Variants in MCCC1 observed in about 807,000 individuals in gnomAD.
The protein encoded by MCCC1 is methylcrotonoyl-CoA carboxylase subunit alpha, mitochondrial.
Under a neutral mutation model 83.8 loss-of-function variants are expected in MCCC1, and 64 were observed. That is an observed-to-expected ratio of 0.76 (90% CI 0.62 to 0.94). MCCC1 has a LOEUF of 0.94. MCCC1 is among the 40% of genes least tolerant of loss of function. The pLI is 0.00. For missense variants in MCCC1, 807 were observed against 904.7 expected (o/e 0.89, Z 1.39); for synonymous variants, 322 against 315.4 (o/e 1.02, Z -0.22).
chr3:183,064,542 C>T lies in MCCC1; in HGVS notation c.761+6457G>A, dbSNP rs963788644. The stretch of plus-strand genomic sequence containing the variant: ...ACCCCGCGCGCCTGCTCATGGCACG[C>T]CACCAGCACGGGCCAGGCGCACAAG... On this transcript the variant is annotated intron_variant, in intron 7 of 18. Transcript: ENST00000265594. The surrounding 1 kb of genome is among the most constrained non-coding windows in gnomAD (Gnocchi z 4.5). Among the ~76,000 whole-genome samples the T allele has an allele frequency of 8.5e-5, 13 of 152,164 alleles. No individual in the cohort carries two copies. Among genetic ancestry groups the T allele is most frequent in the African/African-American group, 3.1e-4 (13 of 41,438 alleles).
chr3:183,031,878 A>C (rs1560213174), intron 14 of MCCC1, among the ~76,000 whole-genome samples: 1 of 150,042 alleles, frequency 6.7e-6, no homozygotes, highest in Non-Finnish European at 1.5e-5. Context: ...TATGTCACCT[A>C]GGCTGATCTC....
intron 4 of MCCC1, among the ~76,000 whole-genome samples, chr3:183,082,553 T>A (rs950160699): frequency 1.3e-5 from 2 of 152,200 alleles, no homozygotes; most frequent in Non-Finnish European, 2.9e-5. Flanking sequence ...GCTTTATGCT[T>A]CCTTACAGTT....
At chr3:183,037,510 T>C in intron 12 of MCCC1, 76 bp from the exon 13 acceptor site, 8 of 1,210,362 alleles carry the variant, frequency 6.6e-6, no homozygotes, top group Non-Finnish European at 8.5e-6. Context: ...GCTCTTTTTA[T>C]CTAAGTATTT....
intron 3 of MCCC1, 43 bp downstream of exon 3, chr3:183,092,366 A>G: frequency 6.2e-7 from 1 of 1,613,480 alleles, no homozygotes; most frequent in Non-Finnish European, 8.5e-7. Flanking sequence ...TGACACAGTA[A>G]ACGAATAAAC....
intron 7 of MCCC1, among the ~76,000 whole-genome samples, chr3:183,066,641 T>C (rs1454948845): frequency 2.0e-5 from 3 of 152,204 alleles, no homozygotes; most frequent in Non-Finnish European, 4.4e-5. Context: ...TAATAGGTGT[T>C]CTTGAATGCA....
chr3:183,108,595 A>G (rs935866054), intron 1 of MCCC1, among the ~76,000 whole-genome samples: 1 of 152,246 alleles, frequency 6.6e-6, no homozygotes, highest in Non-Finnish European at 1.5e-5. Context: ...AGAAACAGAC[A>G]TGACTTTAAC....
chr3:183,076,109 C>G (rs2108534890), intron 4 of MCCC1, among the ~76,000 whole-genome samples: 1 of 152,284 alleles, frequency 6.6e-6, no homozygotes, highest in Admixed American at 6.5e-5. Context: ...TTTAGTAAAT[C>G]TATACAATTG....
intron 13 of MCCC1, among the ~76,000 whole-genome samples, chr3:183,036,172 A>G (rs1444828944): frequency 6.6e-6 from 1 of 152,122 alleles, no homozygotes; most frequent in East Asian, 1.9e-4. Flanking sequence ...GGTGTTAGGA[A>G]GAAGTTGGGC....
chr3:183,079,338 T>C (rs898133773), intron 4 of MCCC1, among the ~76,000 whole-genome samples: 1 of 152,172 alleles, frequency 6.6e-6, no homozygotes, highest in Admixed American at 6.5e-5. Context: ...GTTATAGGCA[T>C]TGGTTAAATA....
intron 4 of MCCC1, among the ~76,000 whole-genome samples, chr3:183,075,347 C>T (rs1716987706): frequency 6.6e-6 from 1 of 152,174 alleles, no homozygotes; most frequent in Admixed American, 6.5e-5. Flanking sequence ...TATAAGCGTT[C>T]CCTTTTCTCC....
intron 1 of MCCC1, among the ~76,000 whole-genome samples, chr3:183,105,087 G>A (rs922114404): frequency 6.6e-6 from 1 of 152,244 alleles, no homozygotes; most frequent in Admixed American, 6.5e-5. Context: ...GCTCACGCCT[G>A]TAATCCCAGC....
rs1303804046 is a variant in MCCC1 at position 183,087,890 on chromosome 3, G to GGAT, written c.274-1105_274-1103dup. Among the ~76,000 whole-genome samples, 30 of 141,576 alleles carry GGAT rather than the reference G, an allele frequency of 2.1e-4. 1 individual carries two copies. Among genetic ancestry groups the GGAT allele is most frequent in the Non-Finnish European group, 3.0e-5 (2 of 65,956 alleles). 92.9% of individuals were successfully genotyped at this position (141,576 alleles called of 152,430 possible). A position where few individuals can be genotyped will look rare whatever the true frequency, so the allele number is the denominator to read the frequency against. On this transcript the variant is annotated intron_variant, in intron 3 of 18. Transcript: ENST00000265594. ...TTCTCAAAAAAAAAAAAAAAAAAAA[G>GGAT]GATGATCAAGACTTTGCCTGGCAAA...
chr3:183,083,889 T>C (rs1233049349), intron 4 of MCCC1, among the ~76,000 whole-genome samples: 1 of 152,244 alleles, frequency 6.6e-6, no homozygotes, highest in Non-Finnish European at 1.5e-5. Flanking sequence ...GGCAAGAAAG[T>C]TCTACTGCTC....
intron 13 of MCCC1, among the ~76,000 whole-genome samples, chr3:183,034,700 A>C (rs1162611037): frequency 1.3e-5 from 2 of 151,768 alleles, no homozygotes; most frequent in Non-Finnish European, 2.9e-5. Flanking sequence ...ACCAGTCTCT[A>C]CTATTCACTA....
intron 12 of MCCC1, among the ~76,000 whole-genome samples, chr3:183,037,892 T>C (rs1277611322): frequency 6.6e-6 from 1 of 152,208 alleles, no homozygotes; most frequent in African/African-American, 2.4e-5. Flanking sequence ...CAAAAGAGCT[T>C]CTTTCCAACA....
intron 1 of MCCC1, among the ~76,000 whole-genome samples, chr3:183,110,221 T>C (rs1273368470): frequency 6.6e-6 from 1 of 152,182 alleles, no homozygotes; most frequent in Non-Finnish European, 1.5e-5. Context: ...TGATGGTTCT[T>C]TTGCTGTGTA....
intron 14 of MCCC1, among the ~76,000 whole-genome samples, chr3:183,030,105 C>T (rs1462968218): frequency 2.0e-5 from 3 of 152,074 alleles, no homozygotes; most frequent in African/African-American, 7.2e-5. Context: ...GTCAGGAATT[C>T]GAGACCAGCC....
At chr3:183,107,688 G>T (rs193027074) in intron 1 of MCCC1, among the ~76,000 whole-genome samples, 60 of 150,728 alleles carry the variant, frequency 4.0e-4, no homozygotes, top group African/African-American at 1.2e-3. Context: ...GATTACAGGC[G>T]CATGCCACCA....
chr3:183,056,385 C>T (rs1433539057), intron 8 of MCCC1, among the ~76,000 whole-genome samples: 1 of 151,902 alleles, frequency 6.6e-6, no homozygotes, highest in African/African-American at 2.4e-5. Context: ...GAACAAGAAC[C>T]CATGGCAGTA....
Sources: gnomAD v4.1 joint callset for allele counts (sites outside exome capture counted in the v4.1 genomes callset) on GRCh38, gnomAD v4.1.1 for gene constraint, Gnocchi (gnomAD v3.1) non-coding constraint, MANE v1.5 for transcripts, NCBI Gene and HGNC (gene_info 2026-07-23, HGNC 2026-07-21) for gene names.